Variants in VPS13C observed in about 807,000 individuals in gnomAD.
VPS13C encodes the protein intermembrane lipid transfer protein VPS13C.
In VPS13C, 358 loss-of-function variants were observed where a neutral mutation model predicts 456.8. The observed-to-expected ratio is 0.78, with a 90% CI of 0.72 to 0.86. The LOEUF (loss-of-function observed/expected upper bound fraction) is 0.86, where lower values mean the gene tolerates loss of function less well. Ranked by LOEUF, VPS13C falls within the 40% of genes least tolerant of loss-of-function variation. VPS13C has a pLI of 0.00. For synonymous variants in VPS13C, 1,578 were observed against 1,486.7 expected, an observed-to-expected ratio of 1.06 and a Z score of -1.41; for missense variants, 4,818 against 4,385.4, an observed-to-expected ratio of 1.10 and a Z score of -2.79.
intron 35 of VPS13C, among the ~76,000 whole-genome samples, 145 bp downstream of exon 35, chr15:61,961,420 CACACACACACACACACACACACAA>C (rs1289676665): frequency 1.3e-5 from 2 of 150,420 alleles, no homozygotes; most frequent in Non-Finnish European, 3.0e-5. Flanking sequence ...CACACACACA[CACACACACACACACACACACACAA>C]AACAATGACA....
At chr15:61,948,787 TCTGAAAA>T (rs2044692031) in intron 42 of VPS13C, among the ~76,000 whole-genome samples, 1 of 151,996 alleles carries the variant, frequency 6.6e-6, no homozygotes, top group Non-Finnish European at 1.5e-5. Flanking sequence ...CTCGTAACGA[TCTGAAAA>T]CTGAATTACT....
At chr15:61,914,878 TAAAA>T (rs60910951) in intron 61 of VPS13C, among the ~76,000 whole-genome samples, 18 of 102,046 alleles carry the variant, frequency 1.8e-4, no homozygotes, top group South Asian at 6.6e-4. Context: ...AACTCTGCCT[TAAAA>T]AAAAAAAAAA....
At chr15:62,035,093 G>T (rs2047945556) in intron 3 of VPS13C, 41 bp from the exon 4 acceptor site, 2 of 1,440,996 alleles carry the variant, frequency 1.4e-6, no homozygotes, top group African/African-American at 2.8e-5. Context: ...TTATTTGACT[G>T]CTCAAGAACA....
intron 20 of VPS13C, among the ~76,000 whole-genome samples, chr15:61,983,021 C>T (rs1185846435): frequency 6.6e-6 from 1 of 152,164 alleles, no homozygotes; most frequent in African/African-American, 2.4e-5. Context: ...GAAAACAGTT[C>T]TGGAGACTGG....
intron 16 of VPS13C, among the ~76,000 whole-genome samples, chr15:61,996,684 A>C (rs1235252219): frequency 6.6e-6 from 1 of 152,108 alleles, no homozygotes; most frequent in Non-Finnish European, 1.5e-5. Flanking sequence ...ACTCAATAGT[A>C]ATTTTAGACC....
chr15:62,045,903 A>T (rs1048574496), intron 1 of VPS13C, among the ~76,000 whole-genome samples: 2 of 152,178 alleles, frequency 1.3e-5, no homozygotes, highest in African/African-American at 4.8e-5. Flanking sequence ...TGAGTTTTTT[A>T]AAAAGTAAAA....
chr15:61,924,086 TCG>T (rs1157668701), intron 53 of VPS13C, among the ~76,000 whole-genome samples: 64 of 151,724 alleles, frequency 4.2e-4, no homozygotes, highest in African/African-American at 1.5e-3. Context: ...CGGGATGGTC[TCG>T]ATCTCCTGAC....
intron 47 of VPS13C, 123 bp from the exon 48 acceptor site, chr15:61,936,873 G>A: frequency 1.9e-6 from 2 of 1,031,788 alleles, no homozygotes; most frequent in Admixed American, 2.8e-5. Context: ...GAGAGTTAGA[G>A]TTAGGACTAT....
intron 18 of VPS13C, among the ~76,000 whole-genome samples, chr15:61,990,331 T>C (rs1482278597): frequency 6.6e-6 from 1 of 152,158 alleles, no homozygotes; most frequent in African/African-American, 2.4e-5. Context: ...TTGATAATAA[T>C]TGCACACCTG....
At chr15:61,906,844 G>A (rs1268573410) in intron 66 of VPS13C, 2 of 166,866 alleles carry the variant, frequency 1.2e-5, no homozygotes, top group East Asian at 3.5e-4. Flanking sequence ...TTTCTTACAT[G>A]CGATAATTTG....
At chr15:61,983,707 A>G (rs2045952627) in intron 20 of VPS13C, 113 bp downstream of exon 20, 1 of 1,200,756 alleles carries the variant, frequency 8.3e-7, no homozygotes. Flanking sequence ...ACCTATTAGG[A>G]AACTTACTTA....
rs999163511 is a variant in VPS13C at position 61,917,527 on chromosome 15, G to A, written c.7869C>T (p.Cys2623=). ...EELHRSREVR[C]MLQCPSVEVS... is the part of the protein sequence containing the mutation. ...CTTCTACTGATGGACACTGCAACAT[G>A]CATCTGACTTCCCTGCTCCTATGAA... Residue 2623 remains cysteine (C), a synonymous_variant, in exon 60 of 85, where the codon TGC becomes TGT. Transcript: ENST00000644861. 6.2e-7 allele frequency: 1 copy of A among 1,614,024 alleles called. No homozygotes were observed. The highest frequency in any genetic ancestry group is 8.5e-7 in the Non-Finnish European group (1 of 1,179,910).
At chr15:61,927,049 G>A (rs1200796917) in intron 52 of VPS13C, 42 bp downstream of exon 52, 1 of 1,539,866 alleles carries the variant, frequency 6.5e-7, no homozygotes. Flanking sequence ...AACTGTTTCT[G>A]CCATTCTTCA....
intron 22 of VPS13C, among the ~76,000 whole-genome samples, chr15:61,979,571 G>A (rs1474995975): frequency 6.6e-6 from 1 of 152,122 alleles, no homozygotes; most frequent in East Asian, 1.9e-4. Context: ...TTTTAAGAAA[G>A]GTCAAGACAA....
chr15:61,916,134 C>A, intron 60 of VPS13C, 112 bp from the exon 61 acceptor site: 7 of 1,229,258 alleles, frequency 5.7e-6, no homozygotes, highest in Non-Finnish European at 7.7e-6. Flanking sequence ...ACTGCTAAGT[C>A]TTCTGTGAAG....
At position 62,024,436 on chromosome 15, in the gene VPS13C, C is replaced by T. The variant is rs544373560; in HGVS notation, c.449-591G>A. 1.4e-4 allele frequency among the ~76,000 whole-genome samples: 21 copies of T among 152,164 alleles called. No homozygotes were observed. The East Asian group carries it at 3.9e-3, about 28-fold the overall frequency. ...TTTAAAACCTCATTCTCTTTCAACA[C>T]TGCCTCACTGCATTCTGGCATTTAC... On this transcript the variant is annotated intron_variant, in intron 6 of 84. Coordinates refer to ENST00000644861, the MANE Select transcript of VPS13C (RefSeq NM_020821.3).
At chr15:61,981,141 C>G (rs1235948905) in intron 22 of VPS13C, among the ~76,000 whole-genome samples, 1 of 152,080 alleles carries the variant, frequency 6.6e-6, no homozygotes. Context: ...ATCACCCTAC[C>G]ACTACAGAAA....
rs949915487 is a variant in VPS13C, at chr15:61,927,757, C to T, written c.6287-437G>A. Among the ~76,000 whole-genome samples the T allele has an allele frequency of 7.9e-5, 12 of 152,092 alleles. No homozygotes were observed. In the South Asian group the frequency reaches 1.2e-3, roughly 16 times the overall value. On this transcript the variant is annotated intron_variant, in intron 51 of 84. Transcript: ENST00000644861. The stretch of plus-strand genomic sequence containing the variant: ...GACACATGCACACGTATGTTTATTG[C>T]GGCACTATTCACAACAGCAAAGACT...
chr15:62,033,240 T>C (rs1445551739), intron 5 of VPS13C, among the ~76,000 whole-genome samples: 1 of 151,360 alleles, frequency 6.6e-6, no homozygotes, highest in Non-Finnish European at 1.5e-5. Context: ...ATTGGCAACA[T>C]GATAAAACAC....
Sources: gnomAD v4.1 joint callset for allele counts (sites outside exome capture counted in the v4.1 genomes callset) on GRCh38, gnomAD v4.1.1 for gene constraint, MANE v1.5 for transcripts, NCBI Gene and HGNC (gene_info 2026-07-23, HGNC 2026-07-21) for gene names.